ATF6: variants seen among roughly 807,000 people sequenced by gnomAD.
ATF6 encodes cyclic AMP-dependent transcription factor ATF-6 alpha.
Under a neutral mutation model 83.6 loss-of-function variants are expected in ATF6, and 53 were observed. The ratio of observed to expected loss-of-function variants is 0.63; its 90% CI spans 0.51 to 0.80. The LOEUF is 0.80. ATF6 is among the 30% of genes least tolerant of loss of function. ATF6 has a pLI of 0.00. For synonymous variants in ATF6, 288 were observed against 285.8 expected (o/e 1.01, Z -0.08); for missense variants, 744 against 797.9 (o/e 0.93, Z 0.81).
intron 10 of ATF6, among the ~76,000 whole-genome samples, chr1:161,848,635 C>T (rs1557993590): frequency 6.6e-6 from 1 of 152,060 alleles, no homozygotes; most frequent in East Asian, 1.9e-4. Context: ...AATACCAGTA[C>T]TGCTGTCTTG....
In ATF6 at chr1:161,778,458, GAA is replaced by G. The variant is rs3215135; in HGVS notation, c.159+140_159+141del. The stretch of plus-strand genomic sequence containing the variant: ...GTAAATAGCTTCTACCATTAAGTAT[GAA>G]AGTTAGTAGCCATTTTGTAATCAGT... On this transcript the variant is annotated intron_variant, in intron 2 of 15. Coordinates refer to ENST00000367942, the MANE Select transcript of ATF6 (RefSeq NM_007348.4). 237 of 637,246 alleles carry G rather than the reference GAA, an allele frequency of 3.7e-4. 1 individual carries two copies. In the East Asian group the frequency reaches 6.5e-3, roughly 18 times the overall value. 39.5% of individuals were successfully genotyped at this position (637,246 alleles called of 1,614,324 possible).
At chr1:161,881,573 G>A (rs1275388325) in intron 14 of ATF6, among the ~76,000 whole-genome samples, 1 of 152,238 alleles carries the variant, frequency 6.6e-6, no homozygotes, top group South Asian at 2.1e-4. Context: ...TATGTGGAAG[G>A]GGTATGGAGC....
intron 12 of ATF6, among the ~76,000 whole-genome samples, chr1:161,856,488 C>T (rs1571193705): frequency 6.6e-6 from 1 of 152,346 alleles, no homozygotes; most frequent in African/African-American, 2.4e-5. Context: ...AATGGACCCT[C>T]TCTCCCTTCT....
rs1315355898 is a variant in ATF6 at position 161,863,224 on chromosome 1, T to C, written c.1631T>C (p.Val544Ala). ...ISRNSGSELQVYYASPRSYQD... is the reference protein window; with the variant it reads ...ISRNSGSELQAYYASPRSYQD... ...AGGAACTCAGGGAGTGAGCTACAAG[T>C]GTATTATGCTTCACCCAGAAGTTAT... The change falls in exon 14 of 16, where the codon GTG becomes GCG. Residue 544 changes from valine to alanine, a missense_variant. Coordinates refer to ENST00000367942, the MANE Select transcript of ATF6 (RefSeq NM_007348.4). The C allele has an allele frequency of 1.6e-5, 25 of 1,609,610 alleles. No individual in the cohort carries two copies. The Admixed American group carries it at 4.2e-4, about 27-fold the overall frequency.
At chr1:161,856,497 C>T (rs188465078) in intron 12 of ATF6, among the ~76,000 whole-genome samples, 1 of 152,332 alleles carries the variant, frequency 6.6e-6, no homozygotes, top group African/African-American at 2.4e-5. Flanking sequence ...TCTCTCCCTT[C>T]TGCTTTCCAC....
chr1:161,833,297 G>A (rs1410117173), intron 9 of ATF6, among the ~76,000 whole-genome samples: 1 of 152,086 alleles, frequency 6.6e-6, no homozygotes, highest in Non-Finnish European at 1.5e-5. Context: ...AAACCACAAA[G>A]ATGGGGAAAA....
At chr1:161,850,407 G>A (rs376238860) in intron 10 of ATF6, among the ~76,000 whole-genome samples, 2 of 151,868 alleles carry the variant, frequency 1.3e-5, no homozygotes, top group East Asian at 3.9e-4. Flanking sequence ...CTATAGAGGC[G>A]GCGTCTTCTC....
intron 15 of ATF6, among the ~76,000 whole-genome samples, chr1:161,930,677 C>T (rs971038321): frequency 2.6e-5 from 4 of 151,998 alleles, no homozygotes; most frequent in African/African-American, 9.7e-5. Context: ...ATTGAAGTAG[C>T]CATTTGGAGA....
chr1:161,768,637 C>A (rs959569978), intron 1 of ATF6, among the ~76,000 whole-genome samples: 63 of 152,238 alleles, frequency 4.1e-4, no homozygotes, highest in Admixed American at 1.1e-3. Context: ...AATCATAGTT[C>A]ACTGTGACCT....
At chr1:161,908,158 T>C (rs2101885329) in intron 14 of ATF6, among the ~76,000 whole-genome samples, 1 of 152,294 alleles carries the variant, frequency 6.6e-6, no homozygotes, top group African/African-American at 2.4e-5. Context: ...CAGTGAGTTT[T>C]ATAGGGGGAA....
chr1:161,794,525 T>C (rs1291521025), intron 6 of ATF6, among the ~76,000 whole-genome samples: 1 of 152,044 alleles, frequency 6.6e-6, no homozygotes, highest in Non-Finnish European at 1.5e-5. Context: ...TATTGCTCAG[T>C]CTGGTCTCGA....
At chr1:161,882,737 G>A (rs1171311182) in intron 14 of ATF6, among the ~76,000 whole-genome samples, 3 of 151,004 alleles carry the variant, frequency 2.0e-5, no homozygotes, top group Non-Finnish European at 4.4e-5. Context: ...AAATCAGGTA[G>A]CATGGGCTTT....
chr1:161,818,664 T>C (rs1685675374), intron 7 of ATF6, among the ~76,000 whole-genome samples: 1 of 152,194 alleles, frequency 6.6e-6, no homozygotes, highest in South Asian at 2.1e-4. Flanking sequence ...CAAATGGAAA[T>C]AAACAATGCG....
intron 14 of ATF6, among the ~76,000 whole-genome samples, chr1:161,907,588 C>T (rs530639869): frequency 6.6e-6 from 1 of 152,138 alleles, no homozygotes; most frequent in Non-Finnish European, 1.5e-5. Context: ...AAATAACATT[C>T]CTTTCTATTA....
At chr1:161,892,984 A>G (rs1026174143) in intron 14 of ATF6, among the ~76,000 whole-genome samples, 1 of 151,888 alleles carries the variant, frequency 6.6e-6, no homozygotes, top group African/African-American at 2.4e-5. Flanking sequence ...TTCTTTTGCT[A>G]CGTCGTTGAG....
At chr1:161,870,825 C>T (rs544010063) in intron 14 of ATF6, among the ~76,000 whole-genome samples, 6 of 151,842 alleles carry the variant, frequency 4.0e-5, no homozygotes, top group East Asian at 1.9e-4. Flanking sequence ...AAGAATAATA[C>T]GAAGTCTTCA....
intron 7 of ATF6, among the ~76,000 whole-genome samples, chr1:161,812,289 TTGTGTGTGTGTG>T (rs10607216): frequency 4.1e-5 from 6 of 145,290 alleles, no homozygotes; most frequent in Admixed American, 2.8e-4. Context: ...ATTTCATGCT[TTGTGTGTGTGTG>T]TGTGTGTGTG....
intron 9 of ATF6, among the ~76,000 whole-genome samples, chr1:161,844,719 A>G (rs1032380299): frequency 2.6e-5 from 4 of 151,706 alleles, no homozygotes; most frequent in African/African-American, 9.7e-5. Context: ...AAAAGTAAAC[A>G]CTTTTTTTTT....
At chr1:161,772,592 G>A (rs1684414733) in intron 1 of ATF6, among the ~76,000 whole-genome samples, 1 of 151,942 alleles carries the variant, frequency 6.6e-6, no homozygotes, top group South Asian at 2.1e-4. Context: ...TTCCATATGT[G>A]CTTTAGATTC....
Sources: allele counts gnomAD v4.1 joint callset (sites outside exome capture counted in the v4.1 genomes callset), GRCh38; gene constraint gnomAD v4.1.1; transcripts MANE v1.5; gene names NCBI Gene and HGNC (gene_info 2026-07-23, HGNC 2026-07-21).